Variants in ZNF219 observed in about 807,000 individuals in gnomAD.
ZNF219 encodes zinc finger protein 219.
ZNF219 carries 17 observed loss-of-function variants against 54.4 expected under a neutral mutation model. That is an observed-to-expected ratio of 0.31 (90% CI 0.21 to 0.47). The LOEUF is 0.47. Ranked by LOEUF, ZNF219 falls within the 20% of genes least tolerant of loss-of-function variation. ZNF219 has a pLI of 1.00. For missense variants in ZNF219, 1,014 were observed against 1,062.3 expected, an observed-to-expected ratio of 0.95 and a Z score of 0.63; for synonymous variants, 518 against 476.4, an observed-to-expected ratio of 1.09 and a Z score of -1.14.
chr14:21,102,089 T>C, upstream of ZNF219: 1 of 1,551,282 alleles, frequency 6.4e-7, no homozygotes, highest in South Asian at 1.2e-5. Flanking sequence ...ACTGTCACTC[T>C]GGAGCTTCGC....
At position 21,092,872 on chromosome 14, in the gene ZNF219, C is replaced by T. The variant is rs781334491; in HGVS notation, c.425G>A (p.Gly142Asp). Residue 142 changes from glycine (G) to aspartate (D), a missense_variant, in exon 3 of 5, where the codon GGC becomes GAC. Coordinates refer to ENST00000360947, the MANE Select transcript of ZNF219 (RefSeq NM_016423.3). The stretch of plus-strand genomic sequence containing the variant: ...CTCAGTGGCAGGGGTGGCCTGCATG[C>T]CCCCTGAGCTTCGGGCTCTCCCCAG... ...ARLGRARSSGGMQATPATEGL... is the reference protein window; with the variant it reads ...ARLGRARSSGDMQATPATEGL... The T allele has an allele frequency of 6.5e-7, 1 of 1,546,748 alleles. No homozygotes were observed. Among genetic ancestry groups the T allele is most frequent in the East Asian group, 2.3e-5 (1 of 44,324 alleles).
upstream of ZNF219, chr14:21,102,161 A>G (rs1889682599): frequency 6.5e-7 from 1 of 1,532,960 alleles, no homozygotes; most frequent in Admixed American, 2.0e-5. Context: ...CCCACTCCCT[A>G]AAACAGACAC....
At position 21,096,571 on chromosome 14, in the gene ZNF219, C is replaced by T. The variant is rs367596561; in HGVS notation, c.-84+1741G>A. On this transcript the variant is annotated intron_variant, in intron 1 of 4. Coordinates refer to ENST00000360947, the MANE Select transcript of ZNF219 (RefSeq NM_016423.3). ...ATAGTCAGGCCTTAAACACCATCCT[C>T]GAGACTTGGCCAGACAGCAGCACTG... 3.7e-4 allele frequency among the ~76,000 whole-genome samples: 56 copies of T among 152,326 alleles called. 1 individual carries two copies. In the South Asian group the frequency reaches 0.011, roughly 31 times the overall value.
upstream of ZNF219, among the ~76,000 whole-genome samples, chr14:21,099,686 T>C (rs1889517582): frequency 6.6e-6 from 1 of 152,206 alleles, no homozygotes; most frequent in Non-Finnish European, 1.5e-5. Flanking sequence ...GCCACTAACA[T>C]TGAGCACTTG....
intron 1 of ZNF219, among the ~76,000 whole-genome samples, chr14:21,096,982 G>C (rs1289240365): frequency 6.6e-6 from 1 of 152,156 alleles, no homozygotes; most frequent in Non-Finnish European, 1.5e-5. Flanking sequence ...TCCCTCTTGA[G>C]AATCCTAGAC....
upstream of ZNF219, chr14:21,099,067 T>A (rs1889485463): frequency 3.4e-6 from 1 of 289,918 alleles, no homozygotes; most frequent in Admixed American, 5.0e-5. Flanking sequence ...CTCAAGTCAC[T>A]TTAATGGCTC....
At chr14:21,103,121 C>T (rs1889752751), upstream of ZNF219, 7 of 1,551,562 alleles carry the variant, frequency 4.5e-6, no homozygotes, top group South Asian at 1.2e-5. Flanking sequence ...TTTGCTCACA[C>T]CTGTCTCTGG....
At chr14:21,102,129 G>A (rs1376969354), upstream of ZNF219, 3 of 1,549,992 alleles carry the variant, frequency 1.9e-6, no homozygotes, top group South Asian at 2.4e-5. Context: ...AGGTGAGAGG[G>A]AAGAAAACGC....
upstream of ZNF219, chr14:21,101,077 C>T: frequency 3.0e-6 from 1 of 338,282 alleles, no homozygotes; most frequent in Non-Finnish European, 5.6e-6. Flanking sequence ...TCCCTGACAG[C>T]CTTCCTCTGC....
Position 21,098,409 on chromosome 14 carries a change from G to A in ZNF219, c.-181C>T. On this transcript the variant is annotated 5_prime_UTR_variant, in exon 1 of 5. Transcript: ENST00000360947. The stretch of plus-strand genomic sequence containing the variant: ...GGCGTCAGCGTTACGTGGGGCCGGG[G>A]GAGATGCGCCGGGCCCCGGCCCCCC... 1 of 553,492 alleles carries A rather than the reference G, an allele frequency of 1.8e-6. No homozygotes were observed. The highest frequency in any genetic ancestry group is 2.3e-6 in the Non-Finnish European group (1 of 439,492). 34.3% of individuals were successfully genotyped at this position (553,492 alleles called of 1,614,324 possible).
intron 1 of ZNF219, among the ~76,000 whole-genome samples, chr14:21,098,069 C>T (rs1238155306): frequency 2.6e-5 from 4 of 151,058 alleles, no homozygotes; most frequent in East Asian, 2.0e-4. Context: ...CCTGGCCCCC[C>T]CTCCCTTGGG....
At position 21,092,244 on chromosome 14, in the gene ZNF219, C is replaced by G. The variant is rs1193653426; in HGVS notation, c.1053G>C (p.Leu351=). The G allele has an allele frequency of 3.4e-6, 5 of 1,457,352 alleles. No individual in the cohort carries two copies. The highest frequency in any genetic ancestry group is 4.5e-6 in the Non-Finnish European group (5 of 1,109,808). 90.3% of individuals were successfully genotyped at this position (1,457,352 alleles called of 1,614,324 possible). A position where few individuals can be genotyped will look rare whatever the true frequency, so the allele number is the denominator to read the frequency against. ...CTGGGCCCAACGGCTCATAGGCCAGCAGGCCGAGGTCAGGAGGCTGGGGGG... is the reference window on the plus strand; with the variant it reads ...CTGGGCCCAACGGCTCATAGGCCAGGAGGCCGAGGTCAGGAGGCTGGGGGG... ...ARAPQPPDLG[L]LAYEPLGPAL... is the part of the protein sequence containing the mutation. Residue 351 remains leucine, a synonymous_variant, in exon 3 of 5, where the codon CTG becomes CTC. Transcript: ENST00000360947.
chr14:21,096,908 C>T (rs1385063807), intron 1 of ZNF219, among the ~76,000 whole-genome samples: 2 of 152,182 alleles, frequency 1.3e-5, no homozygotes, highest in Admixed American at 6.5e-5. Flanking sequence ...GTGTAAGGAG[C>T]AAGGGTTCAG....
At chr14:21,096,442 T>G (rs1247484495) in intron 1 of ZNF219, among the ~76,000 whole-genome samples, 2 of 152,230 alleles carry the variant, frequency 1.3e-5, no homozygotes, top group Non-Finnish European at 2.9e-5. Context: ...CCATGATTTT[T>G]TTCTCAGTAG....
upstream of ZNF219, chr14:21,103,172 G>T: frequency 6.4e-7 from 1 of 1,551,688 alleles, no homozygotes; most frequent in Non-Finnish European, 8.7e-7. Context: ...TCCTGGTTTG[G>T]AGAATGGTCC....
At position 21,091,845 on chromosome 14, in the gene ZNF219, A is replaced by G. The variant is rs1376115187; in HGVS notation, c.1432+20T>C. The G allele has an allele frequency of 1.3e-6, 2 of 1,497,150 alleles. No individual in the cohort carries two copies. Among genetic ancestry groups the G allele is most frequent in the Non-Finnish European group, 1.8e-6 (2 of 1,128,840 alleles). The allele number at this position is 1,497,150 out of a possible 1,614,324, so 92.7% of individuals were successfully genotyped here. On this transcript the variant is annotated intron_variant, in intron 3 of 4. Coordinates refer to ENST00000360947, the MANE Select transcript of ZNF219 (RefSeq NM_016423.3). ...AGAGGAGGACGCGGCGTACCCGGAG[A>G]GCGGAGGGTACCTACATACCCTGCG...
rs1196090955 is a variant in ZNF219, at chr14:21,092,032, C to T, written c.1265G>A (p.Arg422His). Residue 422 changes from arginine (R) to histidine (H), a missense_variant, in exon 3 of 5, where the codon CGT (arginine) becomes CAT (histidine). Physicochemically the swap from Arg to His is conservative, Grantham distance 29. Coordinates refer to ENST00000360947, the MANE Select transcript of ZNF219 (RefSeq NM_016423.3). Reference sequence around the variant, plus strand: ...CTCTTCTTCCTCAGGCTCCTCCGCACGGTGCCGGCGAGCCCGGGCCGGGAG... The same window carrying T: ...CTCTTCTTCCTCAGGCTCCTCCGCATGGTGCCGGCGAGCCCGGGCCGGGAG... ...SALPARARRH[R>H]AEEPEEEEEV... is the part of the protein sequence containing the mutation. 6.5e-6 allele frequency: 10 copies of T among 1,549,062 alleles called. No individual in the cohort carries two copies. Among genetic ancestry groups the T allele is most frequent in the African/African-American group, 1.4e-5 (1 of 72,906 alleles).
intron 1 of ZNF219, among the ~76,000 whole-genome samples, chr14:21,094,947 G>A (rs533703772): frequency 8.2e-5 from 12 of 145,642 alleles, no homozygotes; most frequent in African/African-American, 2.8e-4. Context: ...GGATATTTGA[G>A]ATATAAAGAA....
upstream of ZNF219, among the ~76,000 whole-genome samples, chr14:21,100,230 G>T (rs976984973): frequency 1.3e-5 from 2 of 152,084 alleles, no homozygotes; most frequent in African/African-American, 4.8e-5. Flanking sequence ...GCCAGGCATG[G>T]TGGCATGTGC....
Sources: allele counts gnomAD v4.1 joint callset (sites outside exome capture counted in the v4.1 genomes callset), GRCh38; gene constraint gnomAD v4.1.1; transcripts MANE v1.5; gene names NCBI Gene and HGNC (gene_info 2026-07-23, HGNC 2026-07-21).